Variants in POLQ observed in about 807,000 individuals in gnomAD.
POLQ encodes the protein DNA polymerase theta, also known as epididymis secretory sperm binding protein.
Under a neutral mutation model 259.2 loss-of-function variants are expected in POLQ, and 233 were observed. The observed-to-expected ratio is 0.90, with a 90% CI of 0.81 to 1.00. POLQ has a LOEUF of 1.00. Among genes scored for constraint, POLQ ranks in the 50% least tolerant of loss-of-function variants. The pLI, the probability that POLQ is intolerant of heterozygous loss-of-function variation, is 0.00. For missense variants in POLQ, 2,871 were observed against 3,051.6 expected (o/e 0.94, Z 1.39); for synonymous variants, 1,025 against 1,048.8 (o/e 0.98, Z 0.44).
chr3:121,465,169 C>G (rs377474393), intron 24 of POLQ, among the ~76,000 whole-genome samples: 22 of 151,620 alleles, frequency 1.5e-4, no homozygotes, highest in African/African-American at 5.3e-4. Context: ...TCACTGCAGC[C>G]CCAACCTCCA....
At chr3:121,460,867 C>A (rs2047786350) in intron 24 of POLQ, among the ~76,000 whole-genome samples, 2 of 151,840 alleles carry the variant, frequency 1.3e-5, no homozygotes, top group African/African-American at 4.8e-5. Context: ...AAAACAAAAA[C>A]AAAGTTAAAA....
At position 121,432,414 on chromosome 3, in the gene POLQ, CT is replaced by C; in HGVS notation, c.7662del (p.Ala2555LeufsTer12). 6.2e-7 allele frequency: 1 copy of C among 1,602,290 alleles called. No individual in the cohort carries two copies. The highest frequency in any genetic ancestry group is 8.5e-7 in the Non-Finnish European group (1 of 1,176,074). On this transcript the variant is annotated frameshift_variant and splice_region_variant, in exon 30 of 30. Transcript: ENST00000264233. LOFTEE classifies it high-confidence loss of function. ...YEVAEEDVVQ[V>X]AQIVKNEMES... is the part of the protein sequence containing the mutation. ...TCCATTTCATTCTTGACAATCTGAG[CT>C]ACCTAAGGAAAAAAAAAATGTAGTT...
chr3:121,511,255 G>A (rs2048253419), intron 10 of POLQ, among the ~76,000 whole-genome samples: 1 of 137,612 alleles, frequency 7.3e-6, no homozygotes, highest in East Asian at 2.2e-4. Context: ...AAAATTAACT[G>A]GGTGTGGTGG....
intron 19 of POLQ, among the ~76,000 whole-genome samples, chr3:121,477,250 G>A (rs562712040): frequency 2.0e-5 from 3 of 152,194 alleles, no homozygotes; most frequent in East Asian, 1.9e-4. Context: ...TATCTTTTCC[G>A]CCAGACAACC....
chr3:121,528,052 ATT>A (rs2048384975), intron 7 of POLQ, among the ~76,000 whole-genome samples: 1 of 152,036 alleles, frequency 6.6e-6, no homozygotes, highest in African/African-American at 2.4e-5. Flanking sequence ...GCCTCTTTAC[ATT>A]TGTTTACATT....
In POLQ at chr3:121,501,617, C is replaced by G. The variant is rs1274257229; in HGVS notation, c.1960-2947G>C. On this transcript the variant is annotated intron_variant, in intron 12 of 29. Transcript: ENST00000264233. ...GCGGAGCTTGCAGTGAGCCGAGATC[C>G]CGCCACTGCACTCCAGCCTGGGCGA... Among the ~76,000 whole-genome samples the G allele has an allele frequency of 2.8e-5, 4 of 142,080 alleles. No homozygotes were observed. In the South Asian group the frequency reaches 6.7e-4, roughly 24 times the overall value. 93.2% of individuals were successfully genotyped at this position (142,080 alleles called of 152,430 possible). A position where few individuals can be genotyped will look rare whatever the true frequency, so the allele number is the denominator to read the frequency against.
Position 121,432,930 on chromosome 3 carries a change from T to A in POLQ, c.7647A>T (p.Glu2549Asp), listed in dbSNP as rs2047508976. Residue 2549 changes from glutamate (E) to aspartate (D), a missense_variant, in exon 29 of 30, where the codon GAA becomes GAT. Physicochemically the swap from Glu to Asp is conservative, Grantham distance 45. Around this residue, in one of 3 missense-constraint regions of POLQ, gnomAD observed 2,080 missense variants for 2,126.0 expected, o/e 0.98. Transcript: ENST00000264233. ...ATTGCAAAAATACCTGAACAACATC[T>A]TCTTCTGCCACTTCATATAGGAGTT... ...HDELLYEVAE[E>D]DVVQVAQIVK... 14 of 1,585,416 alleles carry A rather than the reference T, an allele frequency of 8.8e-6. No homozygotes were observed. Among genetic ancestry groups the A allele is most frequent in the East Asian group, 2.2e-5 (1 of 44,738 alleles).
intron 26 of POLQ, among the ~76,000 whole-genome samples, chr3:121,446,024 T>C (rs1483711197): frequency 2.0e-5 from 3 of 152,174 alleles, no homozygotes; most frequent in African/African-American, 7.2e-5. Context: ...TTAAGATGGA[T>C]TGCAGGTTAT....
chr3:121,475,694 C>T (rs1000063003), intron 20 of POLQ, among the ~76,000 whole-genome samples: 12 of 152,154 alleles, frequency 7.9e-5, no homozygotes, highest in African/African-American at 2.9e-4. Context: ...TTCCAGGTAA[C>T]TGCCATTTTG....
At chr3:121,527,123 C>T (rs973979594) in intron 7 of POLQ, among the ~76,000 whole-genome samples, 4 of 152,082 alleles carry the variant, frequency 2.6e-5, no homozygotes, top group African/African-American at 4.8e-5. Flanking sequence ...TGCGGTGGCA[C>T]GATCTCGGCT....
intron 24 of POLQ, among the ~76,000 whole-genome samples, chr3:121,461,423 C>G (rs2047790283): frequency 6.6e-6 from 1 of 152,070 alleles, no homozygotes. Flanking sequence ...GAGGCCAAGG[C>G]AGGCAGATGA....
chr3:121,445,024 A>C (rs968062634), intron 26 of POLQ, among the ~76,000 whole-genome samples: 1 of 152,154 alleles, frequency 6.6e-6, no homozygotes, highest in Non-Finnish European at 1.5e-5. Context: ...GGATGTTTGC[A>C]TCAATTTTCA....
chr3:121,538,699 T>C lies in POLQ; in HGVS notation c.631+734A>G, dbSNP rs1237173500. On this transcript the variant is annotated intron_variant, in intron 4 of 29. Coordinates refer to ENST00000264233, the MANE Select transcript of POLQ (RefSeq NM_199420.4). The stretch of plus-strand genomic sequence containing the variant: ...CAACTCTCAAATATTTAAAGTCCAA[T>C]GGGGTCACAAGTAATAAGACAATTC... Among the ~76,000 whole-genome samples, 4 of 152,024 alleles carry C rather than the reference T, an allele frequency of 2.6e-5. No individual in the cohort carries two copies. In the East Asian group the frequency reaches 7.7e-4, roughly 29 times the overall value.
chr3:121,497,776 A>G (rs1475601982), intron 13 of POLQ, among the ~76,000 whole-genome samples: 2 of 151,974 alleles, frequency 1.3e-5, no homozygotes, highest in Admixed American at 6.6e-5. Flanking sequence ...GCCTGTACCA[A>G]TTTTTCCACC....
At chr3:121,492,987 T>C (rs1197970381) in intron 15 of POLQ, among the ~76,000 whole-genome samples, 2 of 152,048 alleles carry the variant, frequency 1.3e-5, no homozygotes, top group Non-Finnish European at 2.9e-5. Context: ...TCATGTATTA[T>C]TTTTTAAATA....
intron 26 of POLQ, among the ~76,000 whole-genome samples, chr3:121,443,649 G>A (rs907707575): frequency 2.0e-5 from 3 of 152,094 alleles, no homozygotes; most frequent in African/African-American, 7.2e-5. Flanking sequence ...GCGCTTGTGA[G>A]TATTGCTTAA....
rs1199030682 is a variant in POLQ at position 121,493,483 on chromosome 3, GA to G, written c.2516del (p.Phe839SerfsTer26). ...VEVILKNAVP[F>X]KSARKAVDEE... The stretch of plus-strand genomic sequence containing the variant: ...AGGTAAAGGTATTTTCTTACCTTTT[GA>G]AAGGCACAGCATTTTTCAGAATCAC... On this transcript the variant is annotated frameshift_variant, in exon 15 of 30. Coordinates refer to ENST00000264233, the MANE Select transcript of POLQ (RefSeq NM_199420.4). LOFTEE classifies it high-confidence loss of function. 1 of 1,610,038 alleles carries G rather than the reference GA, an allele frequency of 6.2e-7. No homozygotes were observed. Among genetic ancestry groups the G allele is most frequent in the Non-Finnish European group, 8.5e-7 (1 of 1,177,526 alleles).
At chr3:121,520,684 G>A (rs1049824794) in intron 8 of POLQ, among the ~76,000 whole-genome samples, 5 of 152,172 alleles carry the variant, frequency 3.3e-5, no homozygotes, top group African/African-American at 1.2e-4. Flanking sequence ...TGACATGAAA[G>A]CAGCAACAGA....
rs1240786030 is a variant in POLQ at position 121,494,045 on chromosome 3, CTCTT to C, written c.2279-328_2279-325del. 4.8e-6 allele frequency: 3 copies of C among 621,308 alleles called. 1 individual carries two copies. Among genetic ancestry groups the C allele is most frequent in the Non-Finnish European group, 8.5e-6 (3 of 352,164 alleles). 38.5% of individuals were successfully genotyped at this position (621,308 alleles called of 1,614,324 possible). On this transcript the variant is annotated intron_variant, in intron 14 of 29. Coordinates refer to ENST00000264233, the MANE Select transcript of POLQ (RefSeq NM_199420.4). ...CACCCTAATTCATTCCTCTCTCTCTCTCTTTCTTAAGCAAAAGAGAACTCTTAAA... is the reference window on the plus strand; with the variant it reads ...CACCCTAATTCATTCCTCTCTCTCTCTCTTAAGCAAAAGAGAACTCTTAAA...
Sources: allele counts gnomAD v4.1 joint callset (sites outside exome capture counted in the v4.1 genomes callset), GRCh38; gene constraint gnomAD v4.1.1; regional missense constraint gnomAD v4.1.1; transcripts MANE v1.5; gene names NCBI Gene and HGNC (gene_info 2026-07-23, HGNC 2026-07-21).